AGBL1: variants seen among roughly 807,000 people sequenced by gnomAD.
The protein encoded by AGBL1 is cytosolic carboxypeptidase 4.
A neutral mutation model predicts 118.9 loss-of-function variants in AGBL1; 130 were observed. That is an observed-to-expected ratio of 1.09 (90% CI 0.95 to 1.26). The LOEUF (loss-of-function observed/expected upper bound fraction) is 1.26. AGBL1 is among the 50% of genes most tolerant of loss of function. The pLI is 0.00. For missense variants in AGBL1, 1,584 were observed against 1,298.1 expected (o/e 1.22, Z -3.38); for synonymous variants, 555 against 478.9 (o/e 1.16, Z -2.08).
chr15:86,661,201 G>A (rs891439234), intron 21 of AGBL1, among the ~76,000 whole-genome samples: 2 of 152,112 alleles, frequency 1.3e-5, no homozygotes, highest in Admixed American at 6.5e-5. Flanking sequence ...TCCTTAATAC[G>A]CATAAGATCA....
Position 86,507,530 on chromosome 15 carries a change from C to T in AGBL1, c.2556-15280C>T, listed in dbSNP as rs181381699. Among the ~76,000 whole-genome samples, 78 of 152,008 alleles carry T rather than the reference C, an allele frequency of 5.1e-4. 1 individual carries two copies. The highest frequency in any genetic ancestry group is 2.1e-4 in the Non-Finnish European group (14 of 67,962). ...TGGGGAAGAGAGAACATGAACTAAA[C>T]TAGGGTAGATATGTAATACAATGAT... On this transcript the variant is annotated intron_variant, in intron 18 of 22. Coordinates refer to ENST00000614907, the MANE Select transcript of AGBL1 (RefSeq NM_001386094.1).
chr15:86,422,498 A>G, intron 18 of AGBL1, among the ~76,000 whole-genome samples: 1 of 152,258 alleles, frequency 6.6e-6, no homozygotes, highest in East Asian at 1.9e-4. Context: ...GAAAGTGGGA[A>G]AGATCTAAAA....
chr15:86,752,968 T>C (rs1248577090), intron 22 of AGBL1, among the ~76,000 whole-genome samples: 1 of 152,104 alleles, frequency 6.6e-6, no homozygotes, highest in Non-Finnish European at 1.5e-5. Flanking sequence ...TCAATTTATC[T>C]TTCCTTGCTC....
chr15:86,371,415 C>T (rs1352555108), intron 17 of AGBL1, among the ~76,000 whole-genome samples: 1 of 151,976 alleles, frequency 6.6e-6, no homozygotes, highest in East Asian at 1.9e-4. Flanking sequence ...TTTCTTCCAC[C>T]CCTCAAGTCT....
At chr15:86,590,246 C>T (rs2881457) in intron 21 of AGBL1, among the ~76,000 whole-genome samples, 47,327 of 152,054 alleles carry the variant, frequency 0.31, 9,163 homozygotes, top group Non-Finnish European at 0.41. Context: ...GTGTCCCCAC[C>T]CAATCTCACC....
At chr15:86,856,445 A>G (rs1462205804) in intron 22 of AGBL1, among the ~76,000 whole-genome samples, 1 of 152,266 alleles carries the variant, frequency 6.6e-6, no homozygotes, top group Non-Finnish European at 1.5e-5. Flanking sequence ...ATCTAAGACT[A>G]AGCTAGCAAA....
At chr15:86,151,231 C>T (rs2077105136) in intron 3 of AGBL1, among the ~76,000 whole-genome samples, 2 of 150,226 alleles carry the variant, frequency 1.3e-5, no homozygotes, top group Admixed American at 1.3e-4. Context: ...AGCGCACCAG[C>T]ATGGCACGTG....
At chr15:86,950,404 TACTC>T (rs1048378184) in intron 23 of AGBL1, among the ~76,000 whole-genome samples, 3 of 151,128 alleles carry the variant, frequency 2.0e-5, no homozygotes, top group African/African-American at 4.8e-5. Context: ...GTTAAAAAAA[TACTC>T]ATATCAGGAG....
intron 18 of AGBL1, among the ~76,000 whole-genome samples, chr15:86,464,763 A>G (rs987122765): frequency 1.5e-4 from 23 of 152,252 alleles, no homozygotes; most frequent in Admixed American, 1.1e-3. Flanking sequence ...CATATGTTGA[A>G]CCAGACTTGC....
At chr15:86,356,404 A>G (rs1567215122) in intron 17 of AGBL1, among the ~76,000 whole-genome samples, 1 of 151,722 alleles carries the variant, frequency 6.6e-6, no homozygotes, top group Admixed American at 6.6e-5. Flanking sequence ...AGGGAAAATG[A>G]AAAAAAATAG....
chr15:86,442,941 C>T (rs1337869035), intron 18 of AGBL1, among the ~76,000 whole-genome samples: 2 of 152,216 alleles, frequency 1.3e-5, no homozygotes, highest in Admixed American at 1.3e-4. Flanking sequence ...CTGCTCCTGC[C>T]CGCAAGGCAA....
intron 18 of AGBL1, among the ~76,000 whole-genome samples, chr15:86,436,289 T>C (rs762551017): frequency 5.3e-5 from 8 of 151,558 alleles, no homozygotes; most frequent in Non-Finnish European, 1.2e-4. Flanking sequence ...TAGAGTCAGG[T>C]GGGGGAGAAA....
chr15:86,384,981 C>T (rs1012659878), intron 17 of AGBL1, among the ~76,000 whole-genome samples: 1 of 152,058 alleles, frequency 6.6e-6, no homozygotes. Context: ...TACTATTCAG[C>T]GTGGTGAGGG....
At chr15:86,966,985 C>T (rs1190259783) in intron 23 of AGBL1, among the ~76,000 whole-genome samples, 1 of 152,060 alleles carries the variant, frequency 6.6e-6, no homozygotes, top group East Asian at 1.9e-4. Context: ...TCTCCAGTAC[C>T]TGTTGTTTCC....
chr15:86,868,524 C>G (rs2079670658), intron 22 of AGBL1, among the ~76,000 whole-genome samples: 1 of 152,228 alleles, frequency 6.6e-6, no homozygotes, highest in Non-Finnish European at 1.5e-5. Context: ...ACACATTCAA[C>G]TATCACATAA....
At chr15:86,559,886 A>G (rs1456951939) in intron 21 of AGBL1, among the ~76,000 whole-genome samples, 1 of 152,004 alleles carries the variant, frequency 6.6e-6, no homozygotes, top group Non-Finnish European at 1.5e-5. Flanking sequence ...GAAGCAGGAG[A>G]CCCACCTTCT....
At chr15:86,256,564 T>TGTGTGGTGGTAGGCCTATTCTATA (rs2078898406) in intron 7 of AGBL1, among the ~76,000 whole-genome samples, 1 of 152,194 alleles carries the variant, frequency 6.6e-6, no homozygotes, top group Non-Finnish European at 1.5e-5. Flanking sequence ...CAGCATCCCT[T>TGTGTGGTGGTAGGCCTATTCTATA]GAAAGAATTT....
intron 16 of AGBL1, among the ~76,000 whole-genome samples, chr15:86,287,957 C>A (rs1457040888): frequency 1.3e-5 from 2 of 150,788 alleles, no homozygotes; most frequent in African/African-American, 2.4e-5. Context: ...ATCCTGCATC[C>A]ACAGAAATAT....
intron 22 of AGBL1, among the ~76,000 whole-genome samples, chr15:86,728,145 T>C (rs2086847731): frequency 6.6e-6 from 1 of 152,204 alleles, no homozygotes; most frequent in Non-Finnish European, 1.5e-5. Context: ...GTCATTGAAC[T>C]GGAAAGGATG....
Sources: gnomAD v4.1 joint callset for allele counts (sites outside exome capture counted in the v4.1 genomes callset) on GRCh38, gnomAD v4.1.1 for gene constraint, MANE v1.5 for transcripts, NCBI Gene and HGNC (gene_info 2026-07-23, HGNC 2026-07-21) for gene names.